The following RBBP5 variants were observed in gnomAD, a reference collection of about 807,000 sequenced individuals.
RBBP5 encodes the protein RB binding protein 5, histone lysine methyltransferase complex subunit.
In RBBP5, 5 loss-of-function variants were observed where a neutral mutation model predicts 72.2. That is an observed-to-expected ratio of 0.07 (90% confidence interval 0.04 to 0.15). The LOEUF is 0.15. Ranked by LOEUF, RBBP5 falls within the 10% of genes least tolerant of loss-of-function variation. The pLI is 1.00. For synonymous variants in RBBP5, 209 were observed against 237.2 expected (o/e 0.88, Z 1.09); for missense variants, 322 against 652.2 (o/e 0.49, Z 5.51).
chr1:205,093,458 CAAAAAAA>C (rs761161251), intron 13 of RBBP5, among the ~76,000 whole-genome samples: 2 of 18,326 alleles, frequency 1.1e-4, no homozygotes, highest in South Asian at 9.4e-3. Flanking sequence ...AACTCCGTTT[CAAAAAAA>C]AAAAAAAAAA....
chr1:205,119,844 C>G (rs1454942984), intron 1 of RBBP5, among the ~76,000 whole-genome samples: 2 of 152,210 alleles, frequency 1.3e-5, no homozygotes, highest in Non-Finnish European at 2.9e-5. Context: ...TAACCTCTAA[C>G]TACAGATTGT....
chr1:205,088,823 G>A lies in RBBP5; in HGVS notation c.1589-8C>T. On this transcript the variant is annotated splice_region_variant and splice_polypyrimidine_tract_variant and intron_variant, in intron 13 of 13. Coordinates refer to ENST00000264515, the MANE Select transcript of RBBP5 (RefSeq NM_005057.4). ...CTGAGATTGCTCCTCCTGCTAAAGA[G>A]ATTAGACACAAAAAGATTTCTTTTA... is the stretch of plus-strand genomic sequence containing the variant. 1 of 1,569,846 alleles carries A rather than the reference G, an allele frequency of 6.4e-7. No individual in the cohort carries two copies. Among genetic ancestry groups the A allele is most frequent in the East Asian group, 2.3e-5 (1 of 43,420 alleles).
At chr1:205,089,980 T>C (rs1655279953) in intron 13 of RBBP5, among the ~76,000 whole-genome samples, 1 of 152,128 alleles carries the variant, frequency 6.6e-6, no homozygotes, top group Non-Finnish European at 1.5e-5. Context: ...ACCTCCTAAG[T>C]AGCTGGGATT....
chr1:205,097,835 G>T (rs953867596), intron 10 of RBBP5, among the ~76,000 whole-genome samples: 2 of 151,936 alleles, frequency 1.3e-5, no homozygotes, highest in Non-Finnish European at 2.9e-5. Flanking sequence ...TCACAAAAGT[G>T]AGGACCAGCA....
intron 12 of RBBP5, 47 bp from the exon 13 acceptor site, chr1:205,095,111 C>T (rs750039206): frequency 1.3e-6 from 2 of 1,565,172 alleles, no homozygotes; most frequent in Non-Finnish European, 1.8e-6. Flanking sequence ...ACACCAGTCT[C>T]ATCACCCCAA....
chr1:205,113,171 G>A (rs921528341), intron 3 of RBBP5, among the ~76,000 whole-genome samples: 2 of 152,070 alleles, frequency 1.3e-5, no homozygotes, highest in Non-Finnish European at 2.9e-5. Flanking sequence ...TATCTGGTTA[G>A]GAGGACTACA....
intron 3 of RBBP5, 23 bp downstream of exon 3, chr1:205,114,762 TTAAA>T: frequency 6.7e-7 from 1 of 1,482,398 alleles, no homozygotes; most frequent in Non-Finnish European, 9.0e-7. Context: ...CTCCTCATAT[TTAAA>T]TATTAATTAA....
intron 5 of RBBP5, among the ~76,000 whole-genome samples, chr1:205,103,079 G>T (rs1004914531): frequency 4.0e-5 from 6 of 151,586 alleles, no homozygotes; most frequent in Admixed American, 6.6e-5. Flanking sequence ...AGGCTGAGGT[G>T]GGCGGATCAC....
At chr1:205,112,160 A>C (rs112151593) in intron 3 of RBBP5, among the ~76,000 whole-genome samples, 3,578 of 152,154 alleles carry the variant, frequency 0.024, 55 homozygotes, top group East Asian at 0.065. Flanking sequence ...TCTACTAAAA[A>C]TACAAAAATC....
chr1:205,101,572 G>A (rs367650642), intron 6 of RBBP5, 28 bp downstream of exon 6: 11 of 1,515,960 alleles, frequency 7.3e-6, no homozygotes, highest in African/African-American at 1.4e-5. Flanking sequence ...TCTTAAAACT[G>A]TCCCTTAAAA....
rs769339796 is a variant in RBBP5, at chr1:205,099,786, T to C, written c.933A>G (p.Ala311=). The change falls in exon 9 of 14, where the codon GCA becomes GCG. Residue 311 remains alanine (A), a synonymous_variant. Transcript: ENST00000264515. This position sits in a 1 kb window ranked among gnomAD's most constrained non-coding sequence, Gnocchi z 4.7. ...VAWHPVRPII[A]SISSGVVSIW... is the part of the protein sequence containing the mutation. ...TAGATACCACTCCACTGGAAATGGA[T>C]GCTATGATGGGTCGAACAGGATGCC... is the stretch of plus-strand genomic sequence containing the variant. 6.2e-7 allele frequency: 1 copy of C among 1,613,824 alleles called. No homozygotes were observed. The highest frequency in any genetic ancestry group is 8.5e-7 in the Non-Finnish European group (1 of 1,179,804).
intron 3 of RBBP5, among the ~76,000 whole-genome samples, chr1:205,111,350 C>A (rs535569741): frequency 2.6e-5 from 4 of 152,324 alleles, no homozygotes; most frequent in African/African-American, 9.6e-5. Flanking sequence ...AGTGAAATGG[C>A]ACACAAGGTT....
At chr1:205,090,637 C>G (rs1020837979) in intron 13 of RBBP5, among the ~76,000 whole-genome samples, 4 of 152,126 alleles carry the variant, frequency 2.6e-5, no homozygotes, top group Admixed American at 1.3e-4. Context: ...TTAGCTACAA[C>G]ATAAAGGAAA....
intron 13 of RBBP5, among the ~76,000 whole-genome samples, chr1:205,093,297 T>TAA (rs531034831): frequency 6.7e-6 from 1 of 149,088 alleles, no homozygotes; most frequent in African/African-American, 2.5e-5. Flanking sequence ...CCGTCTCTAC[T>TAA]AAAAAAACAC....
chr1:205,117,658 C>T (rs1656578976), intron 1 of RBBP5, among the ~76,000 whole-genome samples: 1 of 151,218 alleles, frequency 6.6e-6, no homozygotes, highest in Non-Finnish European at 1.5e-5. Context: ...GAAACTCTGT[C>T]TCAAAAAAAG....
At chr1:205,119,508 T>C (rs936455729) in intron 1 of RBBP5, among the ~76,000 whole-genome samples, 1 of 152,212 alleles carries the variant, frequency 6.6e-6, no homozygotes, top group African/African-American at 2.4e-5. Flanking sequence ...GTACTAGCGT[T>C]ATCACCTTTC....
Position 205,099,249 on chromosome 1 carries a change from CTG to C in RBBP5, c.979-145_979-144del, listed in dbSNP as rs1379730655. On this transcript the variant is annotated intron_variant, in intron 9 of 13. Transcript: ENST00000264515. The surrounding 1 kb of genome is among the most constrained non-coding windows in gnomAD (Gnocchi z 4.7). ...TGGCAGACAAGAAAAAAATGGGTAT[CTG>C]TAAGTTTTACTAGCTTAGGTATTTT... The C allele has an allele frequency of 5.7e-6, 3 of 526,458 alleles. No individual in the cohort carries two copies. Among genetic ancestry groups the C allele is most frequent in the Non-Finnish European group, 9.7e-6 (3 of 309,664 alleles). The allele number at this position is 526,458 out of a possible 1,614,324, so 32.6% of individuals were successfully genotyped here.
intron 12 of RBBP5, among the ~76,000 whole-genome samples, chr1:205,095,907 G>A (rs1655593858): frequency 6.6e-6 from 1 of 152,114 alleles, no homozygotes; most frequent in African/African-American, 2.4e-5. Flanking sequence ...AAGAGAAGAG[G>A]AAGGGCCGGG....
chr1:205,104,955 A>C (rs1655996743), intron 4 of RBBP5, 73 bp downstream of exon 4: 1 of 1,523,958 alleles, frequency 6.6e-7, no homozygotes, highest in African/African-American at 1.4e-5. Context: ...CCATAAACTA[A>C]AATTATCATG....
Sources: allele counts gnomAD v4.1 joint callset (sites outside exome capture counted in the v4.1 genomes callset), GRCh38; gene constraint gnomAD v4.1.1; non-coding constraint Gnocchi (gnomAD v3.1); transcripts MANE v1.5; gene names NCBI Gene and HGNC (gene_info 2026-07-23, HGNC 2026-07-21).